The following NCEH1 variants were observed in gnomAD, a reference collection of about 807,000 sequenced individuals.
The protein encoded by NCEH1 is neutral cholesterol ester hydrolase 1.
NCEH1 carries 9 observed loss-of-function variants against 25.4 expected under a neutral mutation model. The observed-to-expected ratio is 0.35, with a 90% CI of 0.21 to 0.62. The LOEUF (loss-of-function observed/expected upper bound fraction) is 0.62. Ranked by LOEUF, NCEH1 falls within the 20% of genes least tolerant of loss-of-function variation. The pLI is 0.72. For synonymous variants in NCEH1, 200 were observed against 199.8 expected (o/e 1.00, Z -0.01); for missense variants, 412 against 501.1 (o/e 0.82, Z 1.70).
chr3:172,653,763 T>TTTG (rs1553830388), intron 1 of NCEH1, among the ~76,000 whole-genome samples: 1 of 97,856 alleles, frequency 1.0e-5, no homozygotes, highest in African/African-American at 4.0e-5. Flanking sequence ...TTTTTTTGTT[T>TTTG]TTTTTTTTTT....
intron 3 of NCEH1, among the ~76,000 whole-genome samples, chr3:172,643,971 T>G (rs1716987626): frequency 6.6e-6 from 1 of 152,226 alleles, no homozygotes; most frequent in Non-Finnish European, 1.5e-5. Flanking sequence ...ATTACCAAAC[T>G]GCACTGACAA....
At chr3:172,709,005 C>T (rs554137914) in intron 1 of NCEH1, among the ~76,000 whole-genome samples, 2 of 152,248 alleles carry the variant, frequency 1.3e-5, no homozygotes, top group South Asian at 4.1e-4. Context: ...GTGATAAGAG[C>T]CATTTTTCTG....
At chr3:172,657,069 C>T (rs1453797634) in intron 1 of NCEH1, among the ~76,000 whole-genome samples, 1 of 152,154 alleles carries the variant, frequency 6.6e-6, no homozygotes, top group Non-Finnish European at 1.5e-5. Flanking sequence ...TCTTACACTC[C>T]TGACCACTGG....
At chr3:172,692,047 G>A (rs1713092727) in intron 1 of NCEH1, among the ~76,000 whole-genome samples, 1 of 151,626 alleles carries the variant, frequency 6.6e-6, no homozygotes, top group African/African-American at 2.4e-5. Context: ...CAAAACAAGA[G>A]GTCACCTTCT....
intron 1 of NCEH1, among the ~76,000 whole-genome samples, chr3:172,689,956 T>G (rs1576772416): frequency 6.7e-6 from 1 of 150,192 alleles, no homozygotes; most frequent in Non-Finnish European, 1.5e-5. Context: ...CAGGCTGGAG[T>G]GCAGTGGCAC....
In NCEH1 at chr3:172,654,381, C is replaced by T. The variant is rs113689281; in HGVS notation, c.139-6267G>A. Among the ~76,000 whole-genome samples the T allele has an allele frequency of 6.4e-3, 972 of 152,252 alleles. 18 individuals are homozygous for T. Among genetic ancestry groups the T allele is most frequent in the African/African-American group, 0.022 (934 of 41,536 alleles). The stretch of plus-strand genomic sequence containing the variant: ...GAACAGTGCCTGTCACATAAGAAGC[C>T]CTTTATGAGTCAGTTATCACTGATA... On this transcript the variant is annotated intron_variant, in intron 1 of 4. Transcript: ENST00000475381.
At chr3:172,637,051 G>T (rs559913174) in intron 3 of NCEH1, among the ~76,000 whole-genome samples, 1 of 152,200 alleles carries the variant, frequency 6.6e-6, no homozygotes, top group African/African-American at 2.4e-5. Flanking sequence ...ATGTGCCAGG[G>T]TACGTCACTC....
chr3:172,690,521 G>C (rs1156968707), intron 1 of NCEH1, among the ~76,000 whole-genome samples: 2 of 152,080 alleles, frequency 1.3e-5, no homozygotes, highest in African/African-American at 4.8e-5. Context: ...ATATGTAATA[G>C]GACCTGCAAA....
At chr3:172,691,909 T>C (rs1027773825) in intron 1 of NCEH1, among the ~76,000 whole-genome samples, 1 of 7,400 alleles carries the variant, frequency 1.4e-4, no homozygotes, top group East Asian at 0.17. Context: ...ATCGTGCCAC[T>C]GCACTCCAGC....
At chr3:172,674,479 C>T (rs1305723829) in intron 1 of NCEH1, among the ~76,000 whole-genome samples, 1 of 150,376 alleles carries the variant, frequency 6.6e-6, no homozygotes, top group Non-Finnish European at 1.5e-5. Context: ...GAGGGCTACT[C>T]ATCTTACTCA....
intron 1 of NCEH1, among the ~76,000 whole-genome samples, chr3:172,681,889 C>T (rs1205814294): frequency 1.3e-5 from 2 of 149,068 alleles, no homozygotes; most frequent in African/African-American, 2.5e-5. Context: ...CCAGCCTGGG[C>T]GACAGAATGA....
chr3:172,693,482 G>C (rs746156414), intron 1 of NCEH1, among the ~76,000 whole-genome samples: 9 of 151,732 alleles, frequency 5.9e-5, no homozygotes, highest in Non-Finnish European at 1.3e-4. Context: ...AATGGGAGGG[G>C]GTGGTTAGAG....
intron 1 of NCEH1, among the ~76,000 whole-genome samples, chr3:172,648,772 C>T (rs751152816): frequency 2.0e-5 from 3 of 152,166 alleles, no homozygotes; most frequent in Non-Finnish European, 4.4e-5. Context: ...AAAGACCATA[C>T]TGCCTGATGG....
chr3:172,634,036 T>C lies in NCEH1; in HGVS notation c.666A>G (p.Pro222=), dbSNP rs538308160. The C allele has an allele frequency of 2.9e-5, 47 of 1,614,184 alleles. No individual in the cohort carries two copies. The highest frequency in any genetic ancestry group is 3.6e-5 in the Non-Finnish European group (42 of 1,180,006). The change falls in exon 5 of 5, where the codon CCA becomes CCG. Residue 222 remains proline (P), a synonymous_variant. Transcript: ENST00000475381. The part of the protein sequence containing the change: ...NKLKLQALIY[P]VLQALDFNTP... ...TGTTAAAATCTAAAGCTTGAAGAACTGGATAAATTAAAGCTTGTAGTTTGA... is the reference window on the plus strand; with the variant it reads ...TGTTAAAATCTAAAGCTTGAAGAACCGGATAAATTAAAGCTTGTAGTTTGA...
Position 172,653,744 on chromosome 3 carries a change from G to GTTTTTTTTTT in NCEH1, c.139-5631_139-5630insAAAAAAAAAA, listed in dbSNP as rs796835886. Among the ~76,000 whole-genome samples the GTTTTTTTTTT allele has an allele frequency of 8.4e-4, 80 of 95,636 alleles. 3 individuals carry two copies. Among genetic ancestry groups the GTTTTTTTTTT allele is most frequent in the African/African-American group, 3.1e-3 (73 of 23,886 alleles). The allele number at this position is 95,636 out of a possible 152,430, so 62.7% of individuals were successfully genotyped here. ...TTGTTGTTGTTGTTCTGTTTTTTTTGTTTTTTTGTTTTTTTGTTTTTTTTT... is the reference window on the plus strand; with the variant it reads ...TTGTTGTTGTTGTTCTGTTTTTTTTGTTTTTTTTTTTTTTTTTGTTTTTTTGTTTTTTTTT... On this transcript the variant is annotated intron_variant, in intron 1 of 4. Coordinates refer to ENST00000475381, the MANE Select transcript of NCEH1 (RefSeq NM_020792.6).
In NCEH1 at chr3:172,630,560, A is replaced by G. The variant is rs1162015846; in HGVS notation, c.*2915T>C. ...ACTCCACTGGGCAGAAGATTGGGAA[A>G]GAATTGTGGCTGGCAATTTGGCATA... On this transcript the variant is annotated 3_prime_UTR_variant, in exon 5 of 5. Transcript: ENST00000475381. The G allele has an allele frequency of 6.6e-6, 1 of 152,256 alleles. No homozygotes were observed. 9.4% of individuals were successfully genotyped at this position (152,256 alleles called of 1,614,324 possible).
At chr3:172,694,938 T>G (rs1033233685) in intron 1 of NCEH1, among the ~76,000 whole-genome samples, 1 of 152,202 alleles carries the variant, frequency 6.6e-6, no homozygotes, top group African/African-American at 2.4e-5. Context: ...CTTATTCATC[T>G]CATGTTTTTA....
Position 172,655,976 on chromosome 3 carries a change from A to C in NCEH1, c.139-7862T>G, listed in dbSNP as rs540968243. On this transcript the variant is annotated intron_variant, in intron 1 of 4. Coordinates refer to ENST00000475381, the MANE Select transcript of NCEH1 (RefSeq NM_020792.6). ...TCGTTAGTGTGGCAACAGAAACAAG[A>C]AACTGGAGATATTAAGGGGGAAGAG... is the stretch of plus-strand genomic sequence containing the variant. Among the ~76,000 whole-genome samples the C allele has an allele frequency of 1.6e-4, 24 of 152,242 alleles. No homozygotes were observed. In the East Asian group the frequency reaches 4.2e-3, roughly 27 times the overall value.
intron 1 of NCEH1, among the ~76,000 whole-genome samples, chr3:172,669,196 A>G (rs904348724): frequency 6.6e-6 from 1 of 152,202 alleles, no homozygotes; most frequent in African/African-American, 2.4e-5. Context: ...ATATTTAAAG[A>G]AATGTTTGGA....
Sources: gnomAD v4.1 joint callset for allele counts (sites outside exome capture counted in the v4.1 genomes callset) on GRCh38, gnomAD v4.1.1 for gene constraint, MANE v1.5 for transcripts, NCBI Gene and HGNC (gene_info 2026-07-23, HGNC 2026-07-21) for gene names.